Variants in CEP290 observed in about 807,000 individuals in gnomAD.
CEP290 encodes centrosomal protein of 290 kDa.
Under a neutral mutation model 344.9 loss-of-function variants are expected in CEP290, and 317 were observed. The ratio of observed to expected loss-of-function variants is 0.92; its 90% confidence interval spans 0.84 to 1.01. The LOEUF (loss-of-function observed/expected upper bound fraction) is 1.01, where lower values mean the gene tolerates loss of function less well. Among genes scored for constraint, CEP290 ranks in the 50% least tolerant of loss-of-function variants. The pLI is 0.00. For synonymous variants in CEP290, 932 were observed against 895.8 expected (o/e 1.04, Z -0.72); for missense variants, 2,754 against 2,761.4 (o/e 1.00, Z 0.06).
Position 88,106,881 on chromosome 12 carries a change from C to G in CEP290, c.2611G>C (p.Asp871His). 6.2e-7 allele frequency: 1 copy of G among 1,606,110 alleles called. No individual in the cohort carries two copies. Among genetic ancestry groups the G allele is most frequent in the Non-Finnish European group, 8.5e-7 (1 of 1,175,924 alleles). The change falls in exon 25 of 54, where the codon GAT (aspartate) becomes CAT (histidine). Residue 871 changes from aspartate (D) to histidine (H), a missense_variant. By Grantham distance (81) the Asp-to-His change is moderately conservative (BLOSUM62 -1). Coordinates refer to ENST00000552810, the MANE Select transcript of CEP290 (RefSeq NM_025114.4). ...YNNLLNALQM[D>H]SDEMKKILAE... ...AGTATTTTTTTCATTTCATCCGAAT[C>G]CATCTGAAGAGCATTGAGCAAATTC...
chr12:88,055,804 TAAGC>T, intron 49 of CEP290, 87 bp from the exon 50 acceptor site: 1 of 889,734 alleles, frequency 1.1e-6, no homozygotes, highest in Non-Finnish European at 1.6e-6. Flanking sequence ...GTACTAAAAA[TAAGC>T]AAGAATATCT....
At chr12:88,115,401 G>GT (rs2038978536) in intron 18 of CEP290, 1 of 957,802 alleles carries the variant, frequency 1.0e-6, no homozygotes, top group South Asian at 1.4e-5. Flanking sequence ...AACATCCATG[G>GT]TAAGAGGCAA....
At chr12:88,055,431 G>C in intron 50 of CEP290, 145 bp downstream of exon 50, 1 of 585,766 alleles carries the variant, frequency 1.7e-6, no homozygotes, top group Non-Finnish European at 2.7e-6. Flanking sequence ...AAAGTTTCTG[G>C]CTTAAGCAAA....
intron 49 of CEP290, among the ~76,000 whole-genome samples, chr12:88,057,480 C>T (rs2034103168): frequency 6.6e-6 from 1 of 152,206 alleles, no homozygotes; most frequent in Non-Finnish European, 1.5e-5. Flanking sequence ...ACTGCTGGCT[C>T]AGAGCCACTG....
At chr12:88,120,617 T>C (rs1388639388) in intron 14 of CEP290, among the ~76,000 whole-genome samples, 1 of 152,204 alleles carries the variant, frequency 6.6e-6, no homozygotes, top group African/African-American at 2.4e-5. Flanking sequence ...GAATTAGTTG[T>C]AACCAATGAA....
At chr12:88,116,791 G>A (rs548604027) in intron 18 of CEP290, among the ~76,000 whole-genome samples, 219 of 151,908 alleles carry the variant, frequency 1.4e-3, no homozygotes, top group African/African-American at 4.8e-3. Flanking sequence ...CGGCTAAAAC[G>A]GTGAAACCCC....
chr12:88,122,421 A>G (rs2039461339), intron 13 of CEP290, among the ~76,000 whole-genome samples: 2 of 152,144 alleles, frequency 1.3e-5, no homozygotes, highest in South Asian at 4.1e-4. Context: ...ATTCTAGGCC[A>G]TTACATAGAT....
At chr12:88,109,311 A>G (rs1216189332) in intron 22 of CEP290, 130 bp from the exon 23 acceptor site, 5 of 479,480 alleles carry the variant, frequency 1.0e-5, no homozygotes, top group Non-Finnish European at 1.8e-5. Context: ...TAAGCAACAC[A>G]GATCATTTTT....
chr12:88,134,485 G>T (rs1405099245), intron 6 of CEP290, among the ~76,000 whole-genome samples: 2 of 152,134 alleles, frequency 1.3e-5, no homozygotes, highest in East Asian at 3.9e-4. Flanking sequence ...CTCTTCACTG[G>T]CTCCTTTCAG....
At chr12:88,064,248 T>C (rs2034716866) in intron 44 of CEP290, 133 bp from the exon 45 acceptor site, 4 of 680,014 alleles carry the variant, frequency 5.9e-6, no homozygotes, top group Non-Finnish European at 9.4e-6. Flanking sequence ...CGGAGTGTTC[T>C]GGTGAAAGCC....
At position 88,083,033 on chromosome 12, in the gene CEP290, T is replaced by G. The variant is rs1264789609; in HGVS notation, c.5010A>C (p.Leu1670Phe). 6 of 1,460,674 alleles carry G rather than the reference T, an allele frequency of 4.1e-6. No homozygotes were observed. In the African/African-American group the frequency reaches 8.6e-5, roughly 21 times the overall value. The allele number at this position is 1,460,674 out of a possible 1,614,324, so 90.5% of individuals were successfully genotyped here. The change falls in exon 37 of 54, where the codon TTA becomes TTC. Residue 1670 changes from leucine (L) to phenylalanine (F), a missense_variant and splice_region_variant. Transcript: ENST00000552810. ...LKVKEFENIK[L>F]QLQENHEDEV... ...TACAATACATTTCGAAGACTTACTG[T>G]AATTTGATATTTTCAAATTCTTTTA...
chr12:88,106,798 C>T lies in CEP290; in HGVS notation c.2694G>A (p.Arg898=), dbSNP rs2038314186. The T allele has an allele frequency of 1.9e-6, 3 of 1,608,684 alleles. No homozygotes were observed. The highest frequency in any genetic ancestry group is 2.5e-6 in the Non-Finnish European group (3 of 1,177,216). The change falls in exon 25 of 54, where the codon AGG becomes AGA. Residue 898 remains arginine, a synonymous_variant. Transcript: ENST00000552810. The stretch of plus-strand genomic sequence containing the variant: ...CCAATTCTACTAAGGTTGTATATTG[C>T]CTTATAAGTGATTTTTCATTCACTT... The part of the protein sequence containing the change: ...VLQVNEKSLI[R]QYTTLVELER...
Position 88,125,306 on chromosome 12 carries a change from CT to C in CEP290, c.1128del (p.Glu377LysfsTer12). On this transcript the variant is annotated frameshift_variant, in exon 13 of 54. Coordinates refer to ENST00000552810, the MANE Select transcript of CEP290 (RefSeq NM_025114.4). LOFTEE classifies it high-confidence loss of function. ...ATAATACAAGTATTCTTTTCCATTT[CT>C]TTTGTATATTGTTCTACTTGTTCGG... The part of the protein sequence containing the change: ...MLTEQVEQYT[K>X]EMEKNTCIIE... 1 of 1,229,314 alleles carries C rather than the reference CT, an allele frequency of 8.1e-7. No individual in the cohort carries two copies. Among genetic ancestry groups the C allele is most frequent in the Non-Finnish European group, 1.1e-6 (1 of 924,714 alleles). The allele number at this position is 1,229,314 out of a possible 1,614,324, so 76.2% of individuals were successfully genotyped here.
At chr12:88,111,414 A>T in intron 21 of CEP290, 63 bp from the exon 22 acceptor site, 1 of 1,432,044 alleles carries the variant, frequency 7.0e-7, no homozygotes, top group South Asian at 1.4e-5. Flanking sequence ...ACAAATTGAC[A>T]GATATGTGAA....
At chr12:88,100,104 AC>A (rs975706806) in intron 26 of CEP290, among the ~76,000 whole-genome samples, 1 of 151,920 alleles carries the variant, frequency 6.6e-6, no homozygotes, top group Non-Finnish European at 1.5e-5. Context: ...ACATGGCAAA[AC>A]CCTGTCTCTA....
In CEP290 at chr12:88,084,607, A is replaced by G. The variant is rs2137182194; in HGVS notation, c.4683T>C (p.Arg1561=). 1 of 1,611,734 alleles carries G rather than the reference A, an allele frequency of 6.2e-7. No individual in the cohort carries two copies. Among genetic ancestry groups the G allele is most frequent in the African/African-American group, 1.3e-5 (1 of 74,980 alleles). ...QKEEVLKKYQ[R]LLEKAREEQR... Reference sequence around the variant, plus strand: ...ATACCTCTCTGGCTTTTTCTAGAAGACGTTGATACTTCTTTAATACTTCTT... The same window carrying G: ...ATACCTCTCTGGCTTTTTCTAGAAGGCGTTGATACTTCTTTAATACTTCTT... Residue 1561 remains arginine (R), a synonymous_variant, in exon 35 of 54, where the codon CGT becomes CGC. Transcript: ENST00000552810.
At chr12:88,124,659 CAT>C (rs2039625589) in intron 13 of CEP290, among the ~76,000 whole-genome samples, 1 of 152,030 alleles carries the variant, frequency 6.6e-6, no homozygotes, top group Admixed American at 6.6e-5. Flanking sequence ...TACATATATA[CAT>C]AGTCACCAAT....
At chr12:88,138,776 GTTC>G (rs1253205304) in intron 5 of CEP290, among the ~76,000 whole-genome samples, 1 of 152,084 alleles carries the variant, frequency 6.6e-6, no homozygotes, top group Non-Finnish European at 1.5e-5. Context: ...AATGTATTTT[GTTC>G]TTCAACAATA....
At position 88,053,703 on chromosome 12, in the gene CEP290, G is replaced by T; in HGVS notation, c.7078C>A (p.His2360Asn). ...TGGTCCTTGTTAGCTTCTATCTGAT[G>T]GATTAATTCTGCTTTCTCTTTATCC... ...QLDKEKAELI[H>N]QIEANKDQSG... The change falls in exon 52 of 54, where the codon CAT becomes AAT. Residue 2360 changes from histidine (H) to asparagine (N), a missense_variant. His to Asn is a moderately conservative substitution (Grantham distance 68). Coordinates refer to ENST00000552810, the MANE Select transcript of CEP290 (RefSeq NM_025114.4). The T allele has an allele frequency of 6.4e-7, 1 of 1,551,316 alleles. No homozygotes were observed. The highest frequency in any genetic ancestry group is 8.7e-7 in the Non-Finnish European group (1 of 1,145,358).
Sources: gnomAD v4.1 joint callset for allele counts (sites outside exome capture counted in the v4.1 genomes callset) on GRCh38, gnomAD v4.1.1 for gene constraint, MANE v1.5 for transcripts, NCBI Gene and HGNC (gene_info 2026-07-23, HGNC 2026-07-21) for gene names.